The following KCNMA1 variants were observed in gnomAD, a reference collection of about 807,000 sequenced individuals.
The protein encoded by KCNMA1 is Calcium-activated potassium channel subunit alpha-1.
A neutral mutation model predicts 140.0 loss-of-function variants in KCNMA1; 29 were observed. The ratio of observed to expected loss-of-function variants is 0.21; its 90% CI spans 0.15 to 0.28. The LOEUF (loss-of-function observed/expected upper bound fraction) is 0.28. Among genes scored for constraint, KCNMA1 ranks in the 10% least tolerant of loss-of-function variants. KCNMA1 has a pLI of 1.00. For missense variants in KCNMA1, 880 were observed against 1,602.2 expected, an observed-to-expected ratio of 0.55 and a Z score of 7.70; for synonymous variants, 612 against 611.9, an observed-to-expected ratio of 1.00 and a Z score of 0.00.
chr10:77,432,905 G>A (rs1329206934), intron 1 of KCNMA1, among the ~76,000 whole-genome samples: 1 of 152,126 alleles, frequency 6.6e-6, no homozygotes, highest in Non-Finnish European at 1.5e-5. Context: ...TGAGGGGGAA[G>A]GGACTGAGTG....
At chr10:77,541,859 T>C (rs551023361) in intron 1 of KCNMA1, among the ~76,000 whole-genome samples, 1 of 152,168 alleles carries the variant, frequency 6.6e-6, no homozygotes, top group Non-Finnish European at 1.5e-5. Context: ...TCCAAAGTGA[T>C]TTTAATGTGC....
chr10:77,178,955 G>A (rs550867666), intron 5 of KCNMA1, among the ~76,000 whole-genome samples: 2 of 152,284 alleles, frequency 1.3e-5, no homozygotes, highest in South Asian at 4.1e-4. Context: ...AATAAGCAGC[G>A]TCTTGCTGCT....
chr10:76,909,508 C>G (rs1294693259), intron 25 of KCNMA1, among the ~76,000 whole-genome samples: 2 of 152,124 alleles, frequency 1.3e-5, no homozygotes, highest in Admixed American at 6.5e-5. Flanking sequence ...TAACCTTGGC[C>G]ATCCTCCTGC....
chr10:76,957,941 T>C (rs1176064188), intron 20 of KCNMA1, among the ~76,000 whole-genome samples: 1 of 152,224 alleles, frequency 6.6e-6, no homozygotes, highest in African/African-American at 2.4e-5. Flanking sequence ...TGGCTGTTGC[T>C]GTAGTAATTT....
intron 12 of KCNMA1, among the ~76,000 whole-genome samples, chr10:77,082,346 G>T (rs1418927938): frequency 6.6e-6 from 1 of 151,940 alleles, no homozygotes; most frequent in Non-Finnish European, 1.5e-5. Context: ...TAATTTCTAT[G>T]CCTCCTTGTC....
At chr10:77,271,839 G>T (rs1214173123) in intron 2 of KCNMA1, among the ~76,000 whole-genome samples, 1 of 150,932 alleles carries the variant, frequency 6.6e-6, no homozygotes, top group Non-Finnish European at 1.5e-5. Context: ...CACCCTGGGG[G>T]AAAAAAAAAG....
At chr10:77,134,814 C>T (rs562024212) in intron 5 of KCNMA1, among the ~76,000 whole-genome samples, 10 of 151,282 alleles carry the variant, frequency 6.6e-5, no homozygotes, top group East Asian at 1.9e-4. Context: ...CTGGCTAATA[C>T]GGTGAAACCC....
At chr10:77,120,625 A>C (rs950443000) in intron 6 of KCNMA1, among the ~76,000 whole-genome samples, 2 of 152,166 alleles carry the variant, frequency 1.3e-5, no homozygotes, top group African/African-American at 4.8e-5. Flanking sequence ...CTTCCCAATC[A>C]ATGAGCAAAT....
rs2093476160 is a variant in KCNMA1, at chr10:77,633,982, T to G, written c.378+3283A>C. ...AAAACACATTCTGAGCTAGAAACTTTAACCCTCATTCCTCAACTCCTCCCT... is the reference window on the plus strand; with the variant it reads ...AAAACACATTCTGAGCTAGAAACTTGAACCCTCATTCCTCAACTCCTCCCT... On this transcript the variant is annotated intron_variant, in intron 1 of 27. Transcript: ENST00000286628. The G allele has an allele frequency of 9.6e-6, 2 of 207,556 alleles. 1 individual carries two copies. Among genetic ancestry groups the G allele is most frequent in the South Asian group, 3.4e-4 (2 of 5,818 alleles). 12.9% of individuals were successfully genotyped at this position (207,556 alleles called of 1,614,324 possible).
intron 1 of KCNMA1, chr10:77,634,450 A>C (rs2093534800): frequency 1.0e-6 from 1 of 985,342 alleles, no homozygotes; most frequent in Admixed American, 6.1e-5. Flanking sequence ...GCATGTCCAC[A>C]GTCTTGGGTT....
At chr10:76,880,058 T>G (rs1248203700), downstream of KCNMA1, among the ~76,000 whole-genome samples, 1 of 152,158 alleles carries the variant, frequency 6.6e-6, no homozygotes, top group African/African-American at 2.4e-5. Context: ...CATGCCAGGT[T>G]GGAAGAGTGA....
At chr10:77,481,046 A>T (rs1039742423) in intron 1 of KCNMA1, among the ~76,000 whole-genome samples, 1 of 151,420 alleles carries the variant, frequency 6.6e-6, no homozygotes, top group Non-Finnish European at 1.5e-5. Context: ...CGAACCTGGA[A>T]GGGGGAGGTT....
At chr10:76,947,630 T>C (rs539078396) in intron 22 of KCNMA1, among the ~76,000 whole-genome samples, 2 of 152,346 alleles carry the variant, frequency 1.3e-5, no homozygotes, top group African/African-American at 4.8e-5. Flanking sequence ...ATGCTTATGC[T>C]CTCCTCTGTG....
chr10:77,439,128 AAGAGAAGAGAAGAGAAGAG>A (rs1201310855), intron 1 of KCNMA1, among the ~76,000 whole-genome samples: 72 of 145,974 alleles, frequency 4.9e-4, no homozygotes, highest in African/African-American at 1.8e-3. Context: ...AAGAGAAGAG[AAGAGAAGAGAAGAGAAGAG>A]AAAAGAGAAG....
intron 29 of KCNMA1, among the ~76,000 whole-genome samples, chr10:76,879,469 A>C (rs1479844819): frequency 6.6e-6 from 1 of 151,994 alleles, no homozygotes; most frequent in Non-Finnish European, 1.5e-5. Flanking sequence ...GCTTTAAATT[A>C]TTCCCCCTGA....
chr10:77,183,621 T>C (rs921754316), intron 4 of KCNMA1, 89 bp from the exon 5 acceptor site: 36 of 951,222 alleles, frequency 3.8e-5, no homozygotes, highest in South Asian at 2.9e-4. Flanking sequence ...AGGGTAAGTT[T>C]TGAGTTTTCA....
At chr10:77,453,624 G>C (rs2097704219) in intron 1 of KCNMA1, among the ~76,000 whole-genome samples, 1 of 152,138 alleles carries the variant, frequency 6.6e-6, no homozygotes. Flanking sequence ...GACCCCAGCA[G>C]GGCCCAGATG....
chr10:77,494,550 C>A (rs1049777238), intron 1 of KCNMA1, among the ~76,000 whole-genome samples: 12 of 152,232 alleles, frequency 7.9e-5, no homozygotes, highest in African/African-American at 2.9e-4. Context: ...GGATTCTTTG[C>A]AGCCCAGAGA....
At chr10:77,398,223 A>T (rs1172929709) in intron 2 of KCNMA1, among the ~76,000 whole-genome samples, 6 of 152,178 alleles carry the variant, frequency 3.9e-5, no homozygotes, top group African/African-American at 7.2e-5. Flanking sequence ...GGTAGCCACC[A>T]ATTAGTAGAA....
Sources: allele counts gnomAD v4.1 joint callset (sites outside exome capture counted in the v4.1 genomes callset), GRCh38; gene constraint gnomAD v4.1.1; transcripts MANE v1.5; gene names NCBI Gene and HGNC (gene_info 2026-07-23, HGNC 2026-07-21).